Variants in SEMA5A observed in about 807,000 individuals in gnomAD.
SEMA5A encodes semaphorin-5A.
In SEMA5A, 55 loss-of-function variants were observed where a neutral mutation model predicts 135.5. The ratio of observed to expected loss-of-function variants is 0.41; its 90% CI spans 0.33 to 0.51. SEMA5A has a LOEUF of 0.51. Among genes scored for constraint, SEMA5A ranks in the 20% least tolerant of loss-of-function variants. The pLI is 0.37. For synonymous variants in SEMA5A, 580 were observed against 546.5 expected (o/e 1.06, Z -0.85); for missense variants, 1,290 against 1,419.9 (o/e 0.91, Z 1.47).
chr5:9,384,671 TAGATATAGATAGATAG>T (rs1755801248), intron 2 of SEMA5A, among the ~76,000 whole-genome samples: 1 of 104,288 alleles, frequency 9.6e-6, no homozygotes, highest in African/African-American at 3.7e-5. Flanking sequence ...TATAGATAGA[TAGATATAGATAGATAG>T]ATAGATAGAT....
Position 9,039,218 on chromosome 5 carries a change from T to G in SEMA5A, c.*3679A>C, listed in dbSNP as rs1478421439. On this transcript the variant is annotated 3_prime_UTR_variant, in exon 23 of 23. Coordinates refer to ENST00000382496, the MANE Select transcript of SEMA5A (RefSeq NM_003966.3). ...TGGCAGAGTCCAAGGGTCAGACCCA[T>G]GGACCTGTGAAGTGGGCAACCGTTT... 2 of 152,298 alleles carry G rather than the reference T, an allele frequency of 1.3e-5. No individual in the cohort carries two copies. Among genetic ancestry groups the G allele is most frequent in the Non-Finnish European group, 2.9e-5 (2 of 68,088 alleles). The allele number at this position is 152,298 out of a possible 1,614,324, so 9.4% of individuals were successfully genotyped here.
At chr5:9,432,467 G>C (rs1167584977) in intron 2 of SEMA5A, among the ~76,000 whole-genome samples, 1 of 151,734 alleles carries the variant, frequency 6.6e-6, no homozygotes, top group Non-Finnish European at 1.5e-5. Flanking sequence ...TTTCATATTT[G>C]GTCTCTTTGT....
intron 16 of SEMA5A, among the ~76,000 whole-genome samples, chr5:9,100,533 T>C (rs2150140829): frequency 6.6e-6 from 1 of 152,304 alleles, no homozygotes; most frequent in Middle Eastern, 3.4e-3. Flanking sequence ...AAATCAGTTC[T>C]GCTGCCCTTA....
intron 3 of SEMA5A, among the ~76,000 whole-genome samples, chr5:9,350,638 A>G (rs531785840): frequency 8.6e-4 from 131 of 152,302 alleles, no homozygotes; most frequent in Admixed American, 6.3e-3. Context: ...AACCCTCAAT[A>G]AATCCCTGGA....
chr5:9,346,943 T>C (rs181540043), intron 3 of SEMA5A, among the ~76,000 whole-genome samples: 1 of 152,156 alleles, frequency 6.6e-6, no homozygotes, highest in African/African-American at 2.4e-5. Context: ...TTTGCCTAAG[T>C]GTATTCAAAT....
Position 9,108,242 on chromosome 5 carries a change from T to G in SEMA5A, c.1971A>C (p.Thr657=). 1 of 1,614,202 alleles carries G rather than the reference T, an allele frequency of 6.2e-7. No homozygotes were observed. Residue 657 remains threonine, a synonymous_variant, in exon 16 of 23, where the codon ACA becomes ACC. Transcript: ENST00000382496. The part of the protein sequence containing the change: ...HLLCPPHMFW[T]GWGPWERCTA... ...TGCACCGTTCCCAAGGACCCCAGCC[T>G]GTCCAGAACATGTGTGGGGGACATA... is the stretch of plus-strand genomic sequence containing the variant.
intron 5 of SEMA5A, among the ~76,000 whole-genome samples, chr5:9,287,807 C>T (rs549193812): frequency 3.3e-4 from 51 of 152,264 alleles, no homozygotes; most frequent in South Asian, 2.5e-3. Flanking sequence ...TGGCCCTGTA[C>T]AGAAAATGTT....
chr5:9,507,948 A>G (rs530082741), intron 1 of SEMA5A, among the ~76,000 whole-genome samples: 19 of 151,612 alleles, frequency 1.3e-4, no homozygotes, highest in African/African-American at 2.2e-4. Flanking sequence ...AGCTTGCAGT[A>G]AGCCAAGATT....
chr5:9,427,308 T>TC (rs1263262566), intron 2 of SEMA5A, among the ~76,000 whole-genome samples: 1 of 151,458 alleles, frequency 6.6e-6, no homozygotes, highest in Non-Finnish European at 1.5e-5. Flanking sequence ...AGACTCTGTC[T>TC]CGGGGGGGAA....
intron 5 of SEMA5A, among the ~76,000 whole-genome samples, chr5:9,288,741 A>C (rs1750922304): frequency 6.6e-6 from 1 of 152,206 alleles, no homozygotes; most frequent in African/African-American, 2.4e-5. Flanking sequence ...TTTACCAAAA[A>C]ATGGTTGCAT....
rs950805065 is a variant in SEMA5A, at chr5:9,042,816, A to G, written c.*81T>C. The G allele has an allele frequency of 6.5e-7, 1 of 1,544,432 alleles. No individual in the cohort carries two copies. Among genetic ancestry groups the G allele is most frequent in the African/African-American group, 1.4e-5 (1 of 72,916 alleles). ...GAAATGTATCCAAACTTCGACTCTG[A>G]AGCCTCAGAAACATGGGCAGTCATG... On this transcript the variant is annotated 3_prime_UTR_variant, in exon 23 of 23. Transcript: ENST00000382496.
At chr5:9,448,875 G>A (rs893872013) in intron 1 of SEMA5A, among the ~76,000 whole-genome samples, 2 of 152,126 alleles carry the variant, frequency 1.3e-5, no homozygotes, top group African/African-American at 2.4e-5. Flanking sequence ...CTGTCTCCTG[G>A]TCAAGGGCAG....
chr5:9,294,481 CA>C (rs2150592519), intron 5 of SEMA5A, among the ~76,000 whole-genome samples: 2 of 152,346 alleles, frequency 1.3e-5, no homozygotes, highest in African/African-American at 4.8e-5. Context: ...GCTCCTCACA[CA>C]AATATGGATG....
At chr5:9,327,455 T>C (rs1352383564) in intron 4 of SEMA5A, among the ~76,000 whole-genome samples, 1 of 152,178 alleles carries the variant, frequency 6.6e-6, no homozygotes, top group South Asian at 2.1e-4. Flanking sequence ...TTAAAAGTCT[T>C]GGTTATTAGA....
chr5:9,359,188 G>C (rs1251303963), intron 3 of SEMA5A, among the ~76,000 whole-genome samples: 1 of 152,148 alleles, frequency 6.6e-6, no homozygotes, highest in African/African-American at 2.4e-5. Flanking sequence ...TGAGAACCTG[G>C]CCTTTGCAGT....
At chr5:9,536,306 A>G (rs1443184267) in intron 1 of SEMA5A, among the ~76,000 whole-genome samples, 1 of 152,164 alleles carries the variant, frequency 6.6e-6, no homozygotes, top group Non-Finnish European at 1.5e-5. Flanking sequence ...GTATCTGAAG[A>G]GCAGCCCTAT....
intron 12 of SEMA5A, among the ~76,000 whole-genome samples, chr5:9,153,112 T>C (rs1370750940): frequency 9.3e-5 from 14 of 150,792 alleles, no homozygotes; most frequent in Admixed American, 9.2e-4. Flanking sequence ...CCATGAACCC[T>C]AGCTTCTGAG....
chr5:9,154,093 A>ATATATATATATGTGTGTG (rs372321939), intron 12 of SEMA5A, among the ~76,000 whole-genome samples: 5 of 73,512 alleles, frequency 6.8e-5, no homozygotes, highest in East Asian at 6.2e-4. Flanking sequence ...ATATATATAT[A>ATATATATATATGTGTGTG]TGTGTGTGTG....
At chr5:9,519,679 G>A (rs762277116) in intron 1 of SEMA5A, among the ~76,000 whole-genome samples, 9 of 152,078 alleles carry the variant, frequency 5.9e-5, no homozygotes, top group South Asian at 2.1e-4. Context: ...CTAGAAAACC[G>A]TAACTGTGAA....
Sources: allele counts gnomAD v4.1 joint callset (sites outside exome capture counted in the v4.1 genomes callset), GRCh38; gene constraint gnomAD v4.1.1; transcripts MANE v1.5; gene names NCBI Gene and HGNC (gene_info 2026-07-23, HGNC 2026-07-21).